Variants in CRIM1 observed in about 807,000 individuals in gnomAD.
CRIM1 encodes cysteine-rich motor neuron 1 protein.
CRIM1 carries 32 observed loss-of-function variants against 116.4 expected under a neutral mutation model. The ratio of observed to expected loss-of-function variants is 0.27; its 90% CI spans 0.21 to 0.37. The LOEUF is 0.37. Among genes scored for constraint, CRIM1 ranks in the 10% least tolerant of loss-of-function variants. The probability of loss-of-function intolerance (pLI) is 1.00; values close to 1 mark genes in which losing one functional copy is unlikely to be tolerated. For missense variants in CRIM1, 1,331 were observed against 1,354.8 expected (o/e 0.98, Z 0.28); for synonymous variants, 590 against 509.2 (o/e 1.16, Z -2.13).
intron 2 of CRIM1, among the ~76,000 whole-genome samples, chr2:36,415,428 T>C (rs1367197644): frequency 6.6e-6 from 1 of 152,202 alleles, no homozygotes; most frequent in African/African-American, 2.4e-5. Flanking sequence ...TTCAGCTTTG[T>C]CTTGTGCTGT....
intron 1 of CRIM1, among the ~76,000 whole-genome samples, chr2:36,360,103 G>A (rs1035339845): frequency 6.6e-6 from 1 of 152,228 alleles, no homozygotes; most frequent in Non-Finnish European, 1.5e-5. Context: ...TGATTGGACA[G>A]TGAGAATTAT....
chr2:36,509,208 A>G (rs1681635294), intron 8 of CRIM1, among the ~76,000 whole-genome samples: 1 of 152,194 alleles, frequency 6.6e-6, no homozygotes, highest in Admixed American at 6.5e-5. Context: ...AGTAGTTGTC[A>G]TGTGGATATT....
At chr2:36,547,477 T>G (rs1667433607) in intron 16 of CRIM1, among the ~76,000 whole-genome samples, 1 of 152,234 alleles carries the variant, frequency 6.6e-6, no homozygotes, top group African/African-American at 2.4e-5. Context: ...CCTAAATCAT[T>G]GTTTATATTA....
At chr2:36,357,912 T>C (rs895264035) in intron 1 of CRIM1, among the ~76,000 whole-genome samples, 1 of 152,244 alleles carries the variant, frequency 6.6e-6, no homozygotes, top group Non-Finnish European at 1.5e-5. Context: ...AGGATAACAA[T>C]GGACCTATTA....
At chr2:36,372,775 C>A (rs901608584) in intron 1 of CRIM1, among the ~76,000 whole-genome samples, 1 of 152,044 alleles carries the variant, frequency 6.6e-6, no homozygotes, top group Non-Finnish European at 1.5e-5. Context: ...TCCCAGTAGC[C>A]CACTTCAGAT....
At chr2:36,486,583 T>C (rs192479876) in intron 7 of CRIM1, among the ~76,000 whole-genome samples, 58 of 152,300 alleles carry the variant, frequency 3.8e-4, no homozygotes, top group East Asian at 2.9e-3. Flanking sequence ...TTTACAGAGC[T>C]CAGCTGTTAA....
intron 2 of CRIM1, among the ~76,000 whole-genome samples, chr2:36,434,711 A>C (rs1184795598): frequency 6.6e-6 from 1 of 151,910 alleles, no homozygotes; most frequent in African/African-American, 2.4e-5. Flanking sequence ...CCATCAAAAC[A>C]TTTTTCTTGT....
At chr2:36,448,344 G>A (rs1283611027) in intron 4 of CRIM1, among the ~76,000 whole-genome samples, 4 of 152,208 alleles carry the variant, frequency 2.6e-5, no homozygotes, top group African/African-American at 9.6e-5. Flanking sequence ...TGTTCTCCTG[G>A]TGTCCACCAG....
intron 2 of CRIM1, among the ~76,000 whole-genome samples, chr2:36,436,953 A>G (rs997737752): frequency 6.6e-6 from 1 of 152,268 alleles, no homozygotes; most frequent in Non-Finnish European, 1.5e-5. Context: ...ATCAAAAATC[A>G]GAATATAACC....
At chr2:36,369,515 A>T (rs1160323779) in intron 1 of CRIM1, among the ~76,000 whole-genome samples, 1 of 152,202 alleles carries the variant, frequency 6.6e-6, no homozygotes, top group Non-Finnish European at 1.5e-5. Context: ...TTCCAATAAC[A>T]GTGTCTGCAT....
At chr2:36,528,133 G>C (rs1665878950) in intron 13 of CRIM1, among the ~76,000 whole-genome samples, 1 of 152,168 alleles carries the variant, frequency 6.6e-6, no homozygotes, top group African/African-American at 2.4e-5. Context: ...CAGTAGAATT[G>C]CTGCTCTCGT....
Position 36,451,513 on chromosome 2 carries a change from A to G in CRIM1, c.869+8778A>G, listed in dbSNP as rs149884887. On this transcript the variant is annotated intron_variant, in intron 4 of 16. Transcript: ENST00000280527. ...CCCTCCCTTCCCTCCTGAAAACTCA[A>G]TAGGACAGGAGGGATTTTCTTATTC... Among the ~76,000 whole-genome samples, 14 of 152,298 alleles carry G rather than the reference A, an allele frequency of 9.2e-5. No individual in the cohort carries two copies. The East Asian group carries it at 2.3e-3, about 25-fold the overall frequency.
At chr2:36,470,076 A>G (rs1300732458) in intron 5 of CRIM1, among the ~76,000 whole-genome samples, 1 of 152,242 alleles carries the variant, frequency 6.6e-6, no homozygotes, top group Non-Finnish European at 1.5e-5. Flanking sequence ...AGGCTAGTCC[A>G]CATTCACAAC....
intron 1 of CRIM1, among the ~76,000 whole-genome samples, chr2:36,393,844 C>T (rs966247550): frequency 3.3e-5 from 5 of 152,160 alleles, no homozygotes; most frequent in African/African-American, 9.7e-5. Flanking sequence ...GTGAGAGCGA[C>T]TGGTGAAAAA....
Position 36,356,681 on chromosome 2 carries a change from G to A in CRIM1, c.331+58G>A. On this transcript the variant is annotated intron_variant, in intron 1 of 16. Transcript: ENST00000280527. The surrounding 1 kb of genome is among the most constrained non-coding windows in gnomAD (Gnocchi z 4.3). The stretch of plus-strand genomic sequence containing the variant: ...TGGCCTGCGCCGCCCCCTCGGCGCT[G>A]GTTGTGCCGAACAAAGTTTGGGCGA... The A allele has an allele frequency of 6.6e-7, 1 of 1,515,332 alleles. No individual in the cohort carries two copies. Among genetic ancestry groups the A allele is most frequent in the Non-Finnish European group, 8.9e-7 (1 of 1,126,522 alleles). The allele number at this position is 1,515,332 out of a possible 1,614,324, so 93.9% of individuals were successfully genotyped here.
chr2:36,391,771 TC>T (rs1473240145), intron 1 of CRIM1, among the ~76,000 whole-genome samples: 1 of 149,864 alleles, frequency 6.7e-6, no homozygotes, highest in African/African-American at 2.5e-5. Context: ...TGCTTTTTTT[TC>T]TTTTTCCACT....
intron 4 of CRIM1, among the ~76,000 whole-genome samples, chr2:36,452,479 A>G (rs1184025983): frequency 1.3e-5 from 2 of 152,190 alleles, no homozygotes; most frequent in South Asian, 2.1e-4. Context: ...GCCAGAGTCT[A>G]TATTAAACTC....
At chr2:36,381,612 C>T (rs768289438) in intron 1 of CRIM1, among the ~76,000 whole-genome samples, 46 of 152,140 alleles carry the variant, frequency 3.0e-4, no homozygotes, top group Non-Finnish European at 4.4e-4. Context: ...TATTAGAAAG[C>T]GGAAAAGACC....
At chr2:36,417,382 C>T (rs1384729970) in intron 2 of CRIM1, among the ~76,000 whole-genome samples, 1 of 152,158 alleles carries the variant, frequency 6.6e-6, no homozygotes, top group Non-Finnish European at 1.5e-5. Flanking sequence ...CAATTTTTTA[C>T]TCACCTGTTT....
Sources: gnomAD v4.1 joint callset for allele counts (sites outside exome capture counted in the v4.1 genomes callset) on GRCh38, gnomAD v4.1.1 for gene constraint, Gnocchi (gnomAD v3.1) non-coding constraint, MANE v1.5 for transcripts, NCBI Gene and HGNC (gene_info 2026-07-23, HGNC 2026-07-21) for gene names.